The following KDM4C variants were observed in gnomAD, a reference collection of about 807,000 sequenced individuals.
KDM4C encodes lysine demethylase 4C.
Under a neutral mutation model 129.3 loss-of-function variants are expected in KDM4C, and 81 were observed. The observed-to-expected ratio is 0.63, with a 90% confidence interval of 0.52 to 0.75. KDM4C has a LOEUF of 0.75. KDM4C is among the 30% of genes least tolerant of loss of function. KDM4C has a pLI of 0.00. For missense variants in KDM4C, 1,457 were observed against 1,304.0 expected, an observed-to-expected ratio of 1.12 and a Z score of -1.81; for synonymous variants, 573 against 456.1, an observed-to-expected ratio of 1.26 and a Z score of -3.26.
intron 19 of KDM4C, among the ~76,000 whole-genome samples, chr9:7,139,979 G>C (rs1841576854): frequency 1.3e-5 from 2 of 152,200 alleles, no homozygotes. Flanking sequence ...GGGCCAAGCA[G>C]GTGACTTGAG....
intron 17 of KDM4C, among the ~76,000 whole-genome samples, chr9:7,073,579 A>G (rs912872250): frequency 6.6e-6 from 1 of 152,192 alleles, no homozygotes; most frequent in Non-Finnish European, 1.5e-5. Context: ...CAAGAAAACG[A>G]TTATCTCAGT....
intron 11 of KDM4C, among the ~76,000 whole-genome samples, chr9:6,990,003 C>T (rs1333687218): frequency 6.6e-6 from 1 of 152,010 alleles, no homozygotes; most frequent in Non-Finnish European, 1.5e-5. Flanking sequence ...GTCTCAAGCT[C>T]CTGGGCTCAA....
intron 6 of KDM4C, among the ~76,000 whole-genome samples, chr9:6,883,929 C>A (rs1269099937): frequency 2.6e-5 from 4 of 152,014 alleles, no homozygotes; most frequent in Non-Finnish European, 5.9e-5. Context: ...GTAAAAAAAA[C>A]CCCATGCGTG....
chr9:6,985,484 A>AG (rs35016017), intron 10 of KDM4C, among the ~76,000 whole-genome samples: 7,307 of 152,314 alleles, frequency 0.048, 328 homozygotes, highest in East Asian at 0.24. Context: ...GAGATTGCAT[A>AG]GGATGTTGCT....
chr9:6,769,354 C>CTCTTT (rs1315757189), intron 1 of KDM4C, among the ~76,000 whole-genome samples: 1 of 151,518 alleles, frequency 6.6e-6, no homozygotes, highest in Non-Finnish European at 1.5e-5. Context: ...TTCTTCTCTT[C>CTCTTT]TCTTTTCTTT....
chr9:7,169,748 G>A, intron 20 of KDM4C, 50 bp from the exon 21 acceptor site: 1 of 1,415,486 alleles, frequency 7.1e-7, no homozygotes, highest in Non-Finnish European at 9.8e-7. Flanking sequence ...CTTTAAAAAT[G>A]GTCAGTGCTG....
intron 15 of KDM4C, among the ~76,000 whole-genome samples, chr9:7,029,182 T>C (rs953314115): frequency 5.3e-5 from 8 of 152,232 alleles, no homozygotes; most frequent in Admixed American, 6.5e-5. Flanking sequence ...TTGTGTCTAA[T>C]CTGTGCATCA....
chr9:6,798,553 G>C (rs1158092102), intron 2 of KDM4C, among the ~76,000 whole-genome samples: 2 of 152,030 alleles, frequency 1.3e-5, no homozygotes, highest in Non-Finnish European at 2.9e-5. Context: ...CACAGGGTTG[G>C]GGGTAAGGTC....
intron 4 of KDM4C, among the ~76,000 whole-genome samples, chr9:6,846,631 C>G (rs929229939): frequency 6.6e-6 from 1 of 152,100 alleles, no homozygotes; most frequent in African/African-American, 2.4e-5. Flanking sequence ...AAATAAATTA[C>G]TTTTTAGCAA....
chr9:6,799,104 C>T (rs1828390277), intron 2 of KDM4C, among the ~76,000 whole-genome samples: 1 of 151,996 alleles, frequency 6.6e-6, no homozygotes, highest in Non-Finnish European at 1.5e-5. Context: ...CAGAGGGGCT[C>T]CTCACGTCCC....
At chr9:7,143,421 T>C (rs1206191727) in intron 19 of KDM4C, among the ~76,000 whole-genome samples, 1 of 152,216 alleles carries the variant, frequency 6.6e-6, no homozygotes, top group South Asian at 2.1e-4. Flanking sequence ...ATAGAAAAGC[T>C]CTTACTTCAG....
chr9:6,844,556 GA>G (rs889978665), intron 4 of KDM4C, among the ~76,000 whole-genome samples: 6 of 152,198 alleles, frequency 3.9e-5, no homozygotes, highest in African/African-American at 1.4e-4. Flanking sequence ...TGATTTTTGG[GA>G]AATGCAGAGT....
chr9:6,986,237 G>A (rs10115873), intron 10 of KDM4C, 107 bp from the exon 11 acceptor site: 29 of 716,044 alleles, frequency 4.1e-5, no homozygotes, highest in East Asian at 2.7e-4. Context: ...ATGCGCATGC[G>A]TGTGTATGTG....
At chr9:6,767,607 G>C (rs1463683053) in intron 1 of KDM4C, among the ~76,000 whole-genome samples, 2 of 152,106 alleles carry the variant, frequency 1.3e-5, no homozygotes, top group East Asian at 3.9e-4. Context: ...GCTAATTTTT[G>C]TGTTTTTAGT....
chr9:6,798,908 C>T (rs1376534439), intron 2 of KDM4C, among the ~76,000 whole-genome samples: 1 of 151,442 alleles, frequency 6.6e-6, no homozygotes, highest in Non-Finnish European at 1.5e-5. Flanking sequence ...CAGAGACGTT[C>T]CTCACCTCCC....
rs147772282 is a variant in KDM4C, at chr9:6,969,610, C to G, written c.922-11315C>G. Among the ~76,000 whole-genome samples the G allele has an allele frequency of 1.3e-3, 204 of 152,298 alleles. 1 individual carries two copies. The highest frequency in any genetic ancestry group is 3.8e-3 in the African/African-American group (158 of 41,576). On this transcript the variant is annotated intron_variant, in intron 8 of 21. Transcript: ENST00000381309. ...ATCACATGACTGTCTTACCTGATAACGCATTCCATCCCATGCTGACTATCA... is the reference window on the plus strand; with the variant it reads ...ATCACATGACTGTCTTACCTGATAAGGCATTCCATCCCATGCTGACTATCA...
intron 1 of KDM4C, among the ~76,000 whole-genome samples, chr9:6,791,876 C>T (rs1205126790): frequency 6.6e-6 from 1 of 151,772 alleles, no homozygotes; most frequent in Non-Finnish European, 1.5e-5. Flanking sequence ...TACAAAATTA[C>T]CTGGGTGTGG....
chr9:6,895,057 T>C (rs911691885), intron 8 of KDM4C, among the ~76,000 whole-genome samples: 1 of 152,228 alleles, frequency 6.6e-6, no homozygotes, highest in Non-Finnish European at 1.5e-5. Context: ...TAAAAATTGC[T>C]CTAACTGAAT....
At position 6,889,184 on chromosome 9, in the gene KDM4C, C is replaced by A. The variant is rs564500682; in HGVS notation, c.783+1121C>A. Among the ~76,000 whole-genome samples, 5 of 120,384 alleles carry A rather than the reference C, an allele frequency of 4.2e-5. No homozygotes were observed. In the East Asian group the frequency reaches 1.3e-3, roughly 30 times the overall value. The allele number at this position is 120,384 out of a possible 152,430, so 79.0% of individuals were successfully genotyped here. A position where few individuals can be genotyped will look rare whatever the true frequency, so the allele number is the denominator to read the frequency against. ...TGACTAAATCTTTACATTTTCTTCACTTTAGGTTCTTACTGTGGCCTTCTT... is the reference window on the plus strand; with the variant it reads ...TGACTAAATCTTTACATTTTCTTCAATTTAGGTTCTTACTGTGGCCTTCTT... On this transcript the variant is annotated intron_variant, in intron 7 of 21. Transcript: ENST00000381309.
Sources: allele counts gnomAD v4.1 joint callset (sites outside exome capture counted in the v4.1 genomes callset), GRCh38; gene constraint gnomAD v4.1.1; transcripts MANE v1.5; gene names NCBI Gene and HGNC (gene_info 2026-07-23, HGNC 2026-07-21).